The following SMARCB1 variants were observed in gnomAD, a reference collection of about 807,000 sequenced individuals.
SMARCB1 encodes the protein SWI/SNF-related matrix-associated actin-dependent regulator of chromatin subfamily B member 1.
SMARCB1 carries 5 observed loss-of-function variants against 49.0 expected under a neutral mutation model. That is an observed-to-expected ratio of 0.10 (90% CI 0.05 to 0.21). SMARCB1 has a LOEUF of 0.21. Among genes scored for constraint, SMARCB1 ranks in the 10% least tolerant of loss-of-function variants. The pLI is 1.00. For missense variants in SMARCB1, 226 were observed against 509.2 expected, an observed-to-expected ratio of 0.44 and a Z score of 5.35; for synonymous variants, 201 against 200.1, an observed-to-expected ratio of 1.00 and a Z score of -0.04.
chr22:23,816,480 G>A (rs1322274980), intron 5 of SMARCB1: 1 of 573,554 alleles, frequency 1.7e-6, no homozygotes. Flanking sequence ...TCATTAGTTG[G>A]GATAATCTCA....
At position 23,787,132 on chromosome 22, in the gene SMARCB1, T is replaced by G. The variant is rs1928034337; in HGVS notation, c.-38T>G. The G allele has an allele frequency of 5.8e-6, 8 of 1,389,308 alleles. No individual in the cohort carries two copies. Among genetic ancestry groups the G allele is most frequent in the Non-Finnish European group, 7.1e-6 (7 of 979,480 alleles). 86.1% of individuals were successfully genotyped at this position (1,389,308 alleles called of 1,614,324 possible). A position where few individuals can be genotyped will look rare whatever the true frequency, so the allele number is the denominator to read the frequency against. Reference sequence around the variant, plus strand: ...GCCCCGCCCCAGCCCTCCTGATCCCTCGCAGCCCGGCTCCGGCCGCCCGCC... The same window carrying G: ...GCCCCGCCCCAGCCCTCCTGATCCCGCGCAGCCCGGCTCCGGCCGCCCGCC... On this transcript the variant is annotated 5_prime_UTR_variant, in exon 1 of 9. Transcript: ENST00000644036.
chr22:23,803,261 C>G (rs1929281246), intron 4 of SMARCB1, 34 bp from the exon 5 acceptor site: 2 of 1,613,794 alleles, frequency 1.2e-6, no homozygotes, highest in Non-Finnish European at 1.7e-6. Context: ...GGCTCCGGCC[C>G]CCTCGCTGAC....
At chr22:23,799,640 G>A (rs926951576) in intron 3 of SMARCB1, among the ~76,000 whole-genome samples, 2 of 145,784 alleles carry the variant, frequency 1.4e-5, no homozygotes, top group African/African-American at 2.6e-5. Flanking sequence ...TGCCTCCTGA[G>A]TAGCTGAGAT....
intron 4 of SMARCB1, chr22:23,802,247 G>A (rs564043663): frequency 6.5e-6 from 1 of 152,684 alleles, no homozygotes; most frequent in African/African-American, 2.4e-5. Flanking sequence ...GCCTGGTGCT[G>A]CCACCGCTGC....
At chr22:23,816,964 G>A in intron 6 of SMARCB1, 28 bp downstream of exon 6, 1 of 1,600,472 alleles carries the variant, frequency 6.2e-7, no homozygotes, top group Non-Finnish European at 8.6e-7. Flanking sequence ...CAGCACTGGA[G>A]CCTTCCTGGC....
At chr22:23,797,363 C>T (rs1201940792) in intron 3 of SMARCB1, among the ~76,000 whole-genome samples, 6 of 146,770 alleles carry the variant, frequency 4.1e-5, no homozygotes, top group Non-Finnish European at 9.0e-5. Flanking sequence ...GGCTGGAGTG[C>T]AGTGGCGCCA....
In SMARCB1 at chr22:23,787,909, AGG is replaced by A. The variant is rs534810989; in HGVS notation, c.93+650_93+651del. Among the ~76,000 whole-genome samples the A allele has an allele frequency of 2.8e-3, 420 of 152,350 alleles. 2 individuals are homozygous for A. The highest frequency in any genetic ancestry group is 9.3e-3 in the African/African-American group (387 of 41,584). On this transcript the variant is annotated intron_variant, in intron 1 of 8. Transcript: ENST00000644036. ...CTGTGAACTGATTCTGAATTATTAC[AGG>A]GGAAAGAGCCTAAGGATGTTTAACC... is the stretch of plus-strand genomic sequence containing the variant.
chr22:23,815,083 A>G (rs1930106917), intron 5 of SMARCB1: 1 of 152,204 alleles, frequency 6.6e-6, no homozygotes, highest in Non-Finnish European at 1.5e-5. Flanking sequence ...AGGGAAATGC[A>G]GATTAAAATT....
At chr22:23,810,923 G>A (rs1055599832) in intron 5 of SMARCB1, among the ~76,000 whole-genome samples, 6 of 152,032 alleles carry the variant, frequency 3.9e-5, no homozygotes, top group South Asian at 2.1e-4. Context: ...CCAGCTACTC[G>A]GGAACGGGAA....
rs1218587945 is a variant in SMARCB1 at position 23,836,484 on chromosome 22, C to G, written c.*2304C>G. 1.0e-6 allele frequency: 1 copy of G among 1,003,666 alleles called. No homozygotes were observed. The highest frequency in any genetic ancestry group is 6.0e-5 in the Admixed American group (1 of 16,718). 62.2% of individuals were successfully genotyped at this position (1,003,666 alleles called of 1,614,324 possible). On this transcript the variant is annotated 3_prime_UTR_variant, in exon 9 of 9. Transcript: ENST00000644036. The stretch of plus-strand genomic sequence containing the variant: ...TAGCAGAGGCCTATGGTGGGCAGGA[C>G]TTGCCCAAGGCCCTGGTGGGGCCAG...
Position 23,835,220 on chromosome 22 carries a change from T to A in SMARCB1, c.*1040T>A, listed in dbSNP as rs1025745381. On this transcript the variant is annotated 3_prime_UTR_variant, in exon 9 of 9. Transcript: ENST00000644036. ...CTCCAAGGAGTTCATGTCCCCTCTGTTCTCATCTGTAATAGGGAGGTGTCC... is the reference window on the plus strand; with the variant it reads ...CTCCAAGGAGTTCATGTCCCCTCTGATCTCATCTGTAATAGGGAGGTGTCC... The A allele has an allele frequency of 8.1e-7, 1 of 1,232,322 alleles. No homozygotes were observed. Among genetic ancestry groups the A allele is most frequent in the African/African-American group, 1.6e-5 (1 of 64,228 alleles). 76.3% of individuals were successfully genotyped at this position (1,232,322 alleles called of 1,614,324 possible).
intron 1 of SMARCB1, among the ~76,000 whole-genome samples, chr22:23,787,993 C>T (rs1397915175): frequency 6.6e-6 from 1 of 152,212 alleles, no homozygotes; most frequent in Non-Finnish European, 1.5e-5. Context: ...TTCAGGAAAA[C>T]TCTACTGGCC....
At chr22:23,823,625 A>G (rs2030220625) in intron 6 of SMARCB1, 1 of 152,176 alleles carries the variant, frequency 6.6e-6, no homozygotes, top group African/African-American at 2.4e-5. Flanking sequence ...AGACAGTCCT[A>G]AGTGCTGTGA....
intron 5 of SMARCB1, among the ~76,000 whole-genome samples, chr22:23,809,959 AG>A (rs1416035354): frequency 6.6e-6 from 1 of 150,930 alleles, no homozygotes; most frequent in Non-Finnish European, 1.5e-5. Flanking sequence ...TCACGAGGTC[AG>A]GAATTGGAGG....
intron 7 of SMARCB1, among the ~76,000 whole-genome samples, chr22:23,829,801 T>C (rs1421961864): frequency 1.3e-5 from 2 of 152,226 alleles, no homozygotes; most frequent in Non-Finnish European, 2.9e-5. Flanking sequence ...ATCACCCCAC[T>C]GCAGGCAGTC....
Position 23,830,283 on chromosome 22 carries a change from G to A in SMARCB1, c.987-3289G>A, listed in dbSNP as rs564846765. On this transcript the variant is annotated intron_variant, in intron 7 of 8. Transcript: ENST00000644036. ...TTTTGCATTCCCACCAGAAGCGTGC[G>A]ATTCCCGTTTCTCTGGATCCTGCTG... Among the ~76,000 whole-genome samples, 8 of 152,322 alleles carry A rather than the reference G, an allele frequency of 5.3e-5. No homozygotes were observed. In the East Asian group the frequency reaches 9.6e-4, roughly 18 times the overall value.
intron 5 of SMARCB1, among the ~76,000 whole-genome samples, chr22:23,806,641 G>T (rs1164630462): frequency 6.6e-6 from 1 of 152,166 alleles, no homozygotes; most frequent in African/African-American, 2.4e-5. Context: ...ATCAGGATTG[G>T]CCAGGCGTGG....
intron 5 of SMARCB1, among the ~76,000 whole-genome samples, chr22:23,810,544 A>AAG (rs1555878311): frequency 2.6e-4 from 39 of 150,720 alleles, no homozygotes; most frequent in African/African-American, 5.1e-4. Context: ...AAAAAAAAAA[A>AAG]AAAGAAAGAA....
chr22:23,813,504 GAC>G (rs940332538), intron 5 of SMARCB1, among the ~76,000 whole-genome samples: 6 of 152,056 alleles, frequency 3.9e-5, no homozygotes, highest in African/African-American at 1.4e-4. Flanking sequence ...TGAGTACCTA[GAC>G]ACAAATTAAA....
Sources: allele counts gnomAD v4.1 joint callset (sites outside exome capture counted in the v4.1 genomes callset), GRCh38; gene constraint gnomAD v4.1.1; transcripts MANE v1.5; gene names NCBI Gene and HGNC (gene_info 2026-07-23, HGNC 2026-07-21).